Variants in ZNF430 observed in about 807,000 individuals in gnomAD.
ZNF430 encodes zinc finger protein 430.
ZNF430 carries 35 observed loss-of-function variants against 56.7 expected under a neutral mutation model. The ratio of observed to expected loss-of-function variants is 0.62; its 90% confidence interval spans 0.47 to 0.82. The LOEUF (loss-of-function observed/expected upper bound fraction) is 0.82. Ranked by LOEUF, ZNF430 falls within the 40% of genes least tolerant of loss-of-function variation. The pLI is 0.00. For synonymous variants in ZNF430, 212 were observed against 224.3 expected, an observed-to-expected ratio of 0.94 and a Z score of 0.49; for missense variants, 574 against 661.0, an observed-to-expected ratio of 0.87 and a Z score of 1.44.
intron 4 of ZNF430, among the ~76,000 whole-genome samples, chr19:21,050,848 T>C (rs776241210): frequency 1.2e-4 from 19 of 152,088 alleles, no homozygotes; most frequent in Non-Finnish European, 2.6e-4. Context: ...GCTATCTTGG[T>C]GAAACCCTGT....
intron 2 of ZNF430, among the ~76,000 whole-genome samples, chr19:21,026,684 A>G (rs540980978): frequency 2.0e-5 from 3 of 152,226 alleles, no homozygotes; most frequent in African/African-American, 7.2e-5. Flanking sequence ...TTGTATCCTG[A>G]AACTTTGCTA....
chr19:21,055,933 A>G (rs184267349), intron 4 of ZNF430, among the ~76,000 whole-genome samples: 139 of 152,226 alleles, frequency 9.1e-4, no homozygotes, highest in African/African-American at 3.2e-3. Flanking sequence ...CAGTGTATAG[A>G]TAGGTCCCTA....
chr19:21,030,114 C>T (rs1447156469), intron 2 of ZNF430, among the ~76,000 whole-genome samples: 1 of 150,372 alleles, frequency 6.7e-6, no homozygotes, highest in Non-Finnish European at 1.5e-5. Flanking sequence ...AAAACCAGTG[C>T]TTACAGAAAC....
At position 21,034,179 on chromosome 19, in the gene ZNF430, C is replaced by T. The variant is rs778511183; in HGVS notation, c.317C>T (p.Pro106Leu). ...AAGAGACATGCGATGGTAGATCAAC[C>T]CCCAGGTAGGTGAGAGTGAACACAA... is the stretch of plus-strand genomic sequence containing the variant. ...NMKRHAMVDQ[P>L]PVTYSHFAQD... The change falls in exon 4 of 5, where the codon CCC becomes CTC. Residue 106 changes from proline to leucine, a missense_variant. This residue lies in a region of ZNF430 where 346 missense variants were observed against 399.1 expected (regional missense o/e 0.87). Transcript: ENST00000261560. 1.1e-4 allele frequency: 172 copies of T among 1,593,758 alleles called. No homozygotes were observed. Among genetic ancestry groups the T allele is most frequent in the Non-Finnish European group, 1.4e-4 (168 of 1,168,254 alleles).
chr19:21,041,643 A>G (rs1256247486), intron 4 of ZNF430, among the ~76,000 whole-genome samples: 1 of 152,104 alleles, frequency 6.6e-6, no homozygotes, highest in Non-Finnish European at 1.5e-5. Flanking sequence ...TTAGCTGTTT[A>G]TCTTGATGCT....
At chr19:21,033,715 G>T (rs997291394) in intron 3 of ZNF430, 133 bp downstream of exon 3, 1 of 1,133,166 alleles carries the variant, frequency 8.8e-7, no homozygotes, top group Non-Finnish European at 1.2e-6. Flanking sequence ...AAACCTTGAG[G>T]ATTTTTCCAT....
At chr19:21,048,515 T>C (rs901163315) in intron 4 of ZNF430, among the ~76,000 whole-genome samples, 49 of 152,088 alleles carry the variant, frequency 3.2e-4, no homozygotes, top group African/African-American at 1.1e-3. Flanking sequence ...GGTTATAGAT[T>C]AACAGCATCC....
Position 21,034,162 on chromosome 19 carries a change from T to C in ZNF430, c.300T>C (p.His100=), listed in dbSNP as rs1399302180. The C allele has an allele frequency of 2.5e-6, 4 of 1,612,674 alleles. No individual in the cohort carries two copies. The highest frequency in any genetic ancestry group is 1.7e-4 in the Middle Eastern group (1 of 6,056). The change falls in exon 4 of 5, where the codon CAT becomes CAC. Residue 100 remains histidine (H), a synonymous_variant. Transcript: ENST00000261560. The part of the protein sequence containing the change: ...QGKEPWNMKR[H]AMVDQPPVTY... ...AAGAGCCCTGGAATATGAAGAGACA[T>C]GCGATGGTAGATCAACCCCCAGGTA...
intron 4 of ZNF430, among the ~76,000 whole-genome samples, chr19:21,038,617 G>T (rs899595971): frequency 6.6e-6 from 1 of 151,740 alleles, no homozygotes; most frequent in Non-Finnish European, 1.5e-5. Context: ...TAGTAGAGAC[G>T]GGGGTTTCAC....
In ZNF430 at chr19:21,057,425, T is replaced by G. The variant is rs780221284; in HGVS notation, c.1117T>G (p.Tyr373Asp). Residue 373 changes from tyrosine (Y) to aspartate (D), a missense_variant, in exon 5 of 5, where the codon TAC (tyrosine) becomes GAC (aspartate). By Grantham distance (160) the Tyr-to-Asp change is radical (BLOSUM62 -3). Transcript: ENST00000261560. ...GATAATTCATGCTGGAGAGAAACCTTACAAATGTGAAGAATGTGGCAAAGC... is the reference window on the plus strand; with the variant it reads ...GATAATTCATGCTGGAGAGAAACCTGACAAATGTGAAGAATGTGGCAAAGC... ...HKIIHAGEKP[Y>D]KCEECGKAFY... The G allele has an allele frequency of 6.2e-7, 1 of 1,613,576 alleles. No homozygotes were observed. The highest frequency in any genetic ancestry group is 8.5e-7 in the Non-Finnish European group (1 of 1,179,990).
chr19:21,022,673 G>GT, intron 1 of ZNF430, 116 bp from the exon 2 acceptor site: 2 of 809,964 alleles, frequency 2.5e-6, no homozygotes, highest in Non-Finnish European at 4.2e-6. Context: ...TCACCCTTCA[G>GT]TTTTTTTCTG....
At chr19:21,055,061 T>G (rs1968349978) in intron 4 of ZNF430, among the ~76,000 whole-genome samples, 1 of 152,130 alleles carries the variant, frequency 6.6e-6, no homozygotes, top group African/African-American at 2.4e-5. Flanking sequence ...TTACATATTT[T>G]TGTTCTTACC....
chr19:21,052,470 A>G (rs1392121873), intron 4 of ZNF430, among the ~76,000 whole-genome samples: 3 of 152,014 alleles, frequency 2.0e-5, no homozygotes, highest in Non-Finnish European at 4.4e-5. Flanking sequence ...TTCTTTCAAT[A>G]TTTGCTTTAT....
chr19:21,033,084 G>T (rs1967931643), intron 2 of ZNF430, among the ~76,000 whole-genome samples: 1 of 152,148 alleles, frequency 6.6e-6, no homozygotes, highest in African/African-American at 2.4e-5. Context: ...GCCGGGCATG[G>T]TGGCTCATGC....
chr19:21,024,914 G>C (rs1967764971), intron 2 of ZNF430, among the ~76,000 whole-genome samples: 1 of 152,140 alleles, frequency 6.6e-6, no homozygotes, highest in South Asian at 2.1e-4. Flanking sequence ...TATTGGCTCA[G>C]ATTGAGGGTA....
chr19:21,026,822 CTTTTCTTTTTTT>C (rs1967805548), intron 2 of ZNF430, among the ~76,000 whole-genome samples: 1 of 60,108 alleles, frequency 1.7e-5, no homozygotes, highest in African/African-American at 5.1e-5. Context: ...TTTTTCTTTT[CTTTTCTTTTTTT>C]TTTTTTTTTT....
chr19:21,040,927 T>C (rs1968091019), intron 4 of ZNF430, among the ~76,000 whole-genome samples: 1 of 152,192 alleles, frequency 6.6e-6, no homozygotes, highest in South Asian at 2.1e-4. Context: ...CTCATGTTAG[T>C]ACTTGACTTA....
intron 4 of ZNF430, among the ~76,000 whole-genome samples, chr19:21,039,304 A>G (rs533218533): frequency 1.3e-5 from 2 of 149,966 alleles, no homozygotes. Flanking sequence ...TATGTTGCCC[A>G]TGCTAGTTTG....
intron 4 of ZNF430, among the ~76,000 whole-genome samples, chr19:21,051,886 A>G (rs1465763143): frequency 6.6e-6 from 1 of 152,022 alleles, no homozygotes. Context: ...TGACTTCAAC[A>G]TTGTTCCTTT....
Sources: gnomAD v4.1 joint callset for allele counts (sites outside exome capture counted in the v4.1 genomes callset) on GRCh38, gnomAD v4.1.1 for gene constraint, gnomAD v4.1.1 regional missense constraint, MANE v1.5 for transcripts, NCBI Gene and HGNC (gene_info 2026-07-23, HGNC 2026-07-21) for gene names.